Variants in CDH12 observed in about 807,000 individuals in gnomAD.
The protein encoded by CDH12 is cadherin-12.
CDH12 carries 41 observed loss-of-function variants against 74.1 expected under a neutral mutation model. The ratio of observed to expected loss-of-function variants is 0.55; its 90% CI spans 0.43 to 0.72. CDH12 has a LOEUF of 0.72. Among genes scored for constraint, CDH12 ranks in the 30% least tolerant of loss-of-function variants. The pLI is 0.00. For missense variants in CDH12, 945 were observed against 977.2 expected, an observed-to-expected ratio of 0.97 and a Z score of 0.44; for synonymous variants, 399 against 355.0, an observed-to-expected ratio of 1.12 and a Z score of -1.39.
intron 2 of CDH12, among the ~76,000 whole-genome samples, chr5:22,461,602 A>G (rs1430198600): frequency 1.3e-5 from 2 of 152,052 alleles, no homozygotes; most frequent in Non-Finnish European, 2.9e-5. Flanking sequence ...TATGAATAAT[A>G]TGGTTGCCTT....
intron 6 of CDH12, among the ~76,000 whole-genome samples, chr5:21,963,379 C>T (rs1253448150): frequency 1.3e-5 from 2 of 152,052 alleles, no homozygotes; most frequent in Non-Finnish European, 2.9e-5. Flanking sequence ...AGACAACCTA[C>T]AAAATGAGAG....
intron 5 of CDH12, among the ~76,000 whole-genome samples, chr5:22,036,141 C>T (rs920784316): frequency 1.3e-5 from 2 of 152,114 alleles, no homozygotes; most frequent in South Asian, 2.1e-4. Flanking sequence ...CTTTTTCCTG[C>T]AGCTTACTGT....
chr5:21,893,916 T>G (rs1753004129), intron 6 of CDH12, among the ~76,000 whole-genome samples: 2 of 152,204 alleles, frequency 1.3e-5, no homozygotes, highest in African/African-American at 4.8e-5. Flanking sequence ...ACCCTTTACA[T>G]CACAGAAAAG....
intron 1 of CDH12, among the ~76,000 whole-genome samples, chr5:22,603,291 AAT>A (rs1736936156): frequency 6.6e-6 from 1 of 152,198 alleles, no homozygotes; most frequent in Non-Finnish European, 1.5e-5. Flanking sequence ...ACCACACTAA[AAT>A]AGTTACTGCT....
chr5:22,277,634 A>AGGTTGGGTCAGAT (rs79895752), intron 3 of CDH12, among the ~76,000 whole-genome samples: 1 of 152,014 alleles, frequency 6.6e-6, no homozygotes, highest in Non-Finnish European at 1.5e-5. Context: ...GGAGTTCCAG[A>AGGTTGGGTCAGAT]CCAGCCTGAC....
At chr5:22,225,304 T>G (rs1293305921) in intron 3 of CDH12, among the ~76,000 whole-genome samples, 1 of 152,070 alleles carries the variant, frequency 6.6e-6, no homozygotes, top group African/African-American at 2.4e-5. Flanking sequence ...GACCTAAATA[T>G]GTAAGCTTTG....
At chr5:22,064,888 G>T (rs1375973407) in intron 5 of CDH12, among the ~76,000 whole-genome samples, 1 of 152,146 alleles carries the variant, frequency 6.6e-6, no homozygotes, top group African/African-American at 2.4e-5. Context: ...TTCATCTTGT[G>T]AGTGGCTGAA....
intron 3 of CDH12, among the ~76,000 whole-genome samples, chr5:22,269,636 A>T (rs778477988): frequency 7.9e-5 from 12 of 152,180 alleles, no homozygotes; most frequent in Non-Finnish European, 1.8e-4. Flanking sequence ...CTTAGATTGG[A>T]GCAAGGCAGC....
At chr5:22,469,087 G>A (rs1745854135) in intron 2 of CDH12, among the ~76,000 whole-genome samples, 2 of 152,176 alleles carry the variant, frequency 1.3e-5, no homozygotes, top group African/African-American at 2.4e-5. Context: ...TTTTGAGGGT[G>A]AGGGGCTGGA....
At chr5:22,196,211 C>T (rs1453482093) in intron 4 of CDH12, among the ~76,000 whole-genome samples, 1 of 146,368 alleles carries the variant, frequency 6.8e-6, no homozygotes, top group African/African-American at 2.5e-5. Flanking sequence ...GTGGCATGAT[C>T]TCGGCTCACT....
intron 1 of CDH12, among the ~76,000 whole-genome samples, chr5:22,665,766 C>A (rs1304740032): frequency 6.6e-6 from 1 of 152,002 alleles, no homozygotes; most frequent in African/African-American, 2.4e-5. Context: ...AGCTGTTGAC[C>A]ATCCAAATTA....
chr5:22,321,903 G>A (rs1233955389), intron 3 of CDH12, among the ~76,000 whole-genome samples: 3 of 152,106 alleles, frequency 2.0e-5, no homozygotes, highest in African/African-American at 4.8e-5. Flanking sequence ...TAATTTATGA[G>A]AGTAAAATTT....
chr5:22,032,056 A>C (rs1580141859), intron 5 of CDH12, among the ~76,000 whole-genome samples: 1 of 151,994 alleles, frequency 6.6e-6, no homozygotes, highest in South Asian at 2.1e-4. Context: ...AAGCTCAATA[A>C]AGTGAAATAC....
At chr5:22,105,978 A>C (rs959047191) in intron 4 of CDH12, among the ~76,000 whole-genome samples, 10 of 152,200 alleles carry the variant, frequency 6.6e-5, no homozygotes, top group African/African-American at 2.4e-4. Context: ...TGTATTGTGA[A>C]TATTATTTCC....
intron 2 of CDH12, among the ~76,000 whole-genome samples, chr5:22,433,252 A>G (rs1744244819): frequency 6.6e-6 from 1 of 152,178 alleles, no homozygotes; most frequent in South Asian, 2.1e-4. Context: ...ACGTTGGTAT[A>G]CTATTCCCAA....
At chr5:22,146,317 T>A (rs1269887066) in intron 4 of CDH12, among the ~76,000 whole-genome samples, 3 of 152,108 alleles carry the variant, frequency 2.0e-5, no homozygotes, top group Non-Finnish European at 4.4e-5. Flanking sequence ...AAAAGGTTAA[T>A]CTTTTAACAA....
At chr5:22,044,243 A>G (rs940486460) in intron 5 of CDH12, among the ~76,000 whole-genome samples, 4 of 152,226 alleles carry the variant, frequency 2.6e-5, no homozygotes, top group Admixed American at 1.3e-4. Context: ...AAACAGACAG[A>G]TGGACCCATG....
chr5:22,647,548 T>C (rs1488039787), intron 1 of CDH12, among the ~76,000 whole-genome samples: 3 of 151,788 alleles, frequency 2.0e-5, no homozygotes, highest in African/African-American at 7.2e-5. Flanking sequence ...CTTCTCGCTG[T>C]GTCCTCACTG....
At position 22,714,666 on chromosome 5, in the gene CDH12, AC is replaced by A. The variant is rs1184345286; in HGVS notation, c.-523+138391del. Among the ~76,000 whole-genome samples, 4 of 152,170 alleles carry A rather than the reference AC, an allele frequency of 2.6e-5. No homozygotes were observed. The East Asian group carries it at 7.7e-4, about 29-fold the overall frequency. ...CTGCCCTAATAAAAACCTCATTACT[AC>A]CACATCAGACAGCTAATTTATCCCA... On this transcript the variant is annotated intron_variant, in intron 1 of 14. Coordinates refer to ENST00000382254, the MANE Select transcript of CDH12 (RefSeq NM_004061.5).
Sources: allele counts gnomAD v4.1 joint callset (sites outside exome capture counted in the v4.1 genomes callset), GRCh38; gene constraint gnomAD v4.1.1; transcripts MANE v1.5; gene names NCBI Gene and HGNC (gene_info 2026-07-23, HGNC 2026-07-21).